GALNT10: variants seen among roughly 807,000 people sequenced by gnomAD.
GALNT10 encodes GalNAc transferase 10.
Under a neutral mutation model 75.0 loss-of-function variants are expected in GALNT10, and 41 were observed. That is an observed-to-expected ratio of 0.55 (90% confidence interval 0.43 to 0.71). GALNT10 has a LOEUF of 0.71. Among genes scored for constraint, GALNT10 ranks in the 30% least tolerant of loss-of-function variants. The pLI is 0.00. For missense variants in GALNT10, 727 were observed against 818.5 expected (o/e 0.89, Z 1.36); for synonymous variants, 302 against 313.0 (o/e 0.96, Z 0.37).
chr5:154,303,767 C>G (rs1023286056), intron 3 of GALNT10, among the ~76,000 whole-genome samples: 1 of 152,190 alleles, frequency 6.6e-6, no homozygotes, highest in African/African-American at 2.4e-5. Flanking sequence ...ATAATACTTA[C>G]ATCAATACAT....
At chr5:154,230,609 A>G (rs140570452) in intron 1 of GALNT10, among the ~76,000 whole-genome samples, 94 of 152,316 alleles carry the variant, frequency 6.2e-4, no homozygotes, top group Non-Finnish European at 1.2e-3. Context: ...TAGAGAGATA[A>G]CAGGTAACAA....
At chr5:154,212,172 A>T (rs755244287) in intron 1 of GALNT10, among the ~76,000 whole-genome samples, 1 of 152,232 alleles carries the variant, frequency 6.6e-6, no homozygotes, top group Non-Finnish European at 1.5e-5. Flanking sequence ...ATGTCCCATG[A>T]GAGATGGCTT....
intron 7 of GALNT10, among the ~76,000 whole-genome samples, chr5:154,397,893 C>T (rs7735907): frequency 0.45 from 67,814 of 152,086 alleles, 17,626 homozygotes; most frequent in African/African-American, 0.71. Context: ...TCCACTGCGC[C>T]CTTCTTTCTG....
At chr5:154,245,808 C>T (rs1753412306) in intron 1 of GALNT10, among the ~76,000 whole-genome samples, 2 of 141,204 alleles carry the variant, frequency 1.4e-5, no homozygotes, top group African/African-American at 2.6e-5. Flanking sequence ...ATCTTAAGCG[C>T]TTTTTTTTTT....
intron 3 of GALNT10, among the ~76,000 whole-genome samples, chr5:154,312,408 G>A (rs944673656): frequency 2.2e-4 from 34 of 152,160 alleles, no homozygotes; most frequent in Admixed American, 1.3e-4. Flanking sequence ...GTAATGAATT[G>A]TAACAGTTTA....
At chr5:154,407,114 A>G (rs1218035623) in intron 8 of GALNT10, among the ~76,000 whole-genome samples, 1 of 152,198 alleles carries the variant, frequency 6.6e-6, no homozygotes, top group Non-Finnish European at 1.5e-5. Flanking sequence ...AGGGAAGGCA[A>G]TAACAGAAAC....
At chr5:154,240,901 A>T (rs1753325704) in intron 1 of GALNT10, among the ~76,000 whole-genome samples, 1 of 152,194 alleles carries the variant, frequency 6.6e-6, no homozygotes, top group South Asian at 2.1e-4. Flanking sequence ...AAGTGTCCTC[A>T]TTTGTAATTT....
rs185833287 is a variant in GALNT10, at chr5:154,253,658, G to C, written c.160-41158G>C. Among the ~76,000 whole-genome samples, 4 of 147,956 alleles carry C rather than the reference G, an allele frequency of 2.7e-5. No homozygotes were observed. In the East Asian group the frequency reaches 8.0e-4, roughly 30 times the overall value. On this transcript the variant is annotated intron_variant, in intron 1 of 11. Coordinates refer to ENST00000297107, the MANE Select transcript of GALNT10 (RefSeq NM_198321.4). ...TGAAATTAGTTGTCTTGAACTTTCA[G>C]AAGAAGGTGGGATTCAGGAAAGCTT...
chr5:154,198,760 C>T (rs955673722), intron 1 of GALNT10, among the ~76,000 whole-genome samples: 1 of 152,110 alleles, frequency 6.6e-6, no homozygotes, highest in African/African-American at 2.4e-5. Flanking sequence ...ACTCCAGCCC[C>T]CAGGGGTCAC....
chr5:154,353,378 A>G (rs975451851), intron 4 of GALNT10, among the ~76,000 whole-genome samples: 6 of 152,208 alleles, frequency 3.9e-5, no homozygotes, highest in African/African-American at 1.4e-4. Context: ...CACAGGGGAA[A>G]CACTTTCCAC....
Position 154,304,991 on chromosome 5 carries a change from A to G in GALNT10, c.401+6912A>G, listed in dbSNP as rs372937076. Among the ~76,000 whole-genome samples, 6 of 152,356 alleles carry G rather than the reference A, an allele frequency of 3.9e-5. No homozygotes were observed. The East Asian group carries it at 1.2e-3, about 29-fold the overall frequency. ...CAAAATATGGCAGAAAAAGCAAGGA[A>G]GGGAATCAAAATCACAAAGGAGAAA... On this transcript the variant is annotated intron_variant, in intron 3 of 11. Transcript: ENST00000297107.
chr5:154,415,914 G>A lies in GALNT10; in HGVS notation c.1635G>A (p.Gln545=). The A allele has an allele frequency of 6.2e-7, 1 of 1,614,080 alleles. No individual in the cohort carries two copies. Among genetic ancestry groups the A allele is most frequent in the Non-Finnish European group, 8.5e-7 (1 of 1,179,998 alleles). ...LYDCHSMKGN[Q]LWKYRKDKTL... ...ACTGCCACAGCATGAAGGGCAACCA[G>A]CTGTGGAAATACCGCAAAGTAAGAT... Residue 545 remains glutamine, a synonymous_variant, in exon 11 of 12, where the codon CAG becomes CAA. Coordinates refer to ENST00000297107, the MANE Select transcript of GALNT10 (RefSeq NM_198321.4).
intron 1 of GALNT10, among the ~76,000 whole-genome samples, chr5:154,236,900 G>A (rs906323670): frequency 1.3e-5 from 2 of 152,190 alleles, no homozygotes; most frequent in African/African-American, 4.8e-5. Context: ...ACAGTTGGAA[G>A]CTATCTTTGT....
At chr5:154,270,125 T>C (rs1753839262) in intron 1 of GALNT10, among the ~76,000 whole-genome samples, 1 of 151,956 alleles carries the variant, frequency 6.6e-6, no homozygotes, top group Admixed American at 6.6e-5. Flanking sequence ...GTGACTATAC[T>C]TGATAAATGC....
At chr5:154,220,026 A>T (rs1336800887) in intron 1 of GALNT10, 1 of 152,174 alleles carries the variant, frequency 6.6e-6, no homozygotes, top group East Asian at 1.9e-4. Context: ...GATCTGGCGA[A>T]TCTTCACATA....
intron 4 of GALNT10, among the ~76,000 whole-genome samples, chr5:154,374,093 G>T (rs1426695408): frequency 2.6e-5 from 4 of 152,144 alleles, no homozygotes; most frequent in African/African-American, 9.7e-5. Flanking sequence ...TGACCAAACA[G>T]CAGCATATTT....
chr5:154,255,273 C>T (rs1357745039), intron 1 of GALNT10, among the ~76,000 whole-genome samples: 1 of 152,074 alleles, frequency 6.6e-6, no homozygotes, highest in Non-Finnish European at 1.5e-5. Flanking sequence ...AGGTATATCC[C>T]TCAATTATGT....
chr5:154,201,433 T>C (rs1775027239), intron 1 of GALNT10, among the ~76,000 whole-genome samples: 1 of 152,242 alleles, frequency 6.6e-6, no homozygotes, highest in African/African-American at 2.4e-5. Flanking sequence ...GAAGTGTAAG[T>C]ATATAAACCT....
chr5:154,315,985 C>T (rs1468110419), intron 3 of GALNT10, among the ~76,000 whole-genome samples: 1 of 152,182 alleles, frequency 6.6e-6, no homozygotes, highest in East Asian at 1.9e-4. Flanking sequence ...AGCTAATAAC[C>T]TTTGGTCTTT....
Sources: gnomAD v4.1 joint callset for allele counts (sites outside exome capture counted in the v4.1 genomes callset) on GRCh38, gnomAD v4.1.1 for gene constraint, MANE v1.5 for transcripts, NCBI Gene and HGNC (gene_info 2026-07-23, HGNC 2026-07-21) for gene names.